SEMA6A: variants seen among roughly 807,000 people sequenced by gnomAD.
The protein encoded by SEMA6A is semaphorin-6A.
SEMA6A carries 25 observed loss-of-function variants against 96.8 expected under a neutral mutation model. The observed-to-expected ratio is 0.26, with a 90% CI of 0.19 to 0.36. The LOEUF is 0.36. SEMA6A is among the 10% of genes least tolerant of loss of function. The probability of loss-of-function intolerance (pLI) is 1.00; values close to 1 mark genes in which losing one functional copy is unlikely to be tolerated. For missense variants in SEMA6A, 1,363 were observed against 1,323.1 expected (o/e 1.03, Z -0.47); for synonymous variants, 612 against 518.0 (o/e 1.18, Z -2.46).
chr5:116,487,105 AAAG>A (rs1757088295), intron 9 of SEMA6A, 139 bp from the exon 10 acceptor site: 10 of 594,218 alleles, frequency 1.7e-5, no homozygotes, highest in Non-Finnish European at 2.7e-5. Flanking sequence ...CAAAAAAAAA[AAAG>A]AAAGAAAAGA....
intron 1 of SEMA6A, among the ~76,000 whole-genome samples, chr5:116,527,363 A>G (rs1759275074): frequency 6.6e-6 from 1 of 152,254 alleles, no homozygotes; most frequent in South Asian, 2.1e-4. Flanking sequence ...AATATTGCCA[A>G]ATTAAACAAA....
Position 116,488,180 on chromosome 5 carries a change from T to C in SEMA6A, c.672A>G (p.Gln224=). 6.2e-7 allele frequency: 1 copy of C among 1,610,364 alleles called. No homozygotes were observed. The highest frequency in any genetic ancestry group is 1.3e-5 in the African/African-American group (1 of 75,006). Residue 224 remains glutamine, a synonymous_variant, in exon 9 of 19, where the codon CAA becomes CAG. Coordinates refer to ENST00000343348, the MANE Select transcript of SEMA6A (RefSeq NM_020796.5). ...SKWLKEPYFV[Q]AVDYGDYIYF... ...AGATATAATCTCCGTAATCCACGGC[T>C]TGAACAAAGTATGGTTCTGTAGACA...
chr5:116,528,862 C>T (rs74963225), intron 1 of SEMA6A, among the ~76,000 whole-genome samples: 3,352 of 152,266 alleles, frequency 0.022, 41 homozygotes, highest in Admixed American at 0.029. Context: ...ATGGCTGTAC[C>T]CTGGGACTTT....
intron 1 of SEMA6A, among the ~76,000 whole-genome samples, chr5:116,531,587 C>T (rs1759480553): frequency 6.6e-6 from 1 of 152,196 alleles, no homozygotes; most frequent in African/African-American, 2.4e-5. Context: ...CCAAGTTTCT[C>T]TTCAAAGAAT....
At chr5:116,475,096 T>G (rs1756383155) in intron 16 of SEMA6A, among the ~76,000 whole-genome samples, 3 of 152,198 alleles carry the variant, frequency 2.0e-5, no homozygotes, top group Admixed American at 2.0e-4. Flanking sequence ...AAATCTAATT[T>G]AAAAACATAA....
At chr5:116,472,820 T>C (rs1274893344) in intron 17 of SEMA6A, 4 of 1,261,852 alleles carry the variant, frequency 3.2e-6, no homozygotes, top group South Asian at 3.0e-5. Flanking sequence ...GAATGAAAAC[T>C]ATAAACTACT....
intron 18 of SEMA6A, among the ~76,000 whole-genome samples, chr5:116,465,698 G>C (rs1048261739): frequency 6.6e-6 from 1 of 152,120 alleles, no homozygotes; most frequent in Non-Finnish European, 1.5e-5. Context: ...CCATTCCTTG[G>C]GGGGAGTTAA....
intron 1 of SEMA6A, among the ~76,000 whole-genome samples, chr5:116,560,476 T>C (rs1760778474): frequency 6.6e-6 from 1 of 151,394 alleles, no homozygotes; most frequent in African/African-American, 2.4e-5. Flanking sequence ...CTAGATCTAG[T>C]AGCCTGAACC....
In SEMA6A at chr5:116,446,701, C is replaced by T. The variant is rs200942463; in HGVS notation, c.3005G>A (p.Arg1002His). 11 of 1,586,982 alleles carry T rather than the reference C, an allele frequency of 6.9e-6. No homozygotes were observed. The East Asian group carries it at 1.4e-4, about 20-fold the overall frequency. Residue 1002 changes from arginine to histidine, a missense_variant, in exon 19 of 19, where the codon CGT (arginine) becomes CAT (histidine). Around this residue, in one of 2 missense-constraint regions of SEMA6A, gnomAD observed 883 missense variants for 763.6 expected, o/e 1.16. Transcript: ENST00000343348. ...TACGTCCGGCTTTAGCGAGGGCGTA[C>T]GCTTCAGCCCCGACCTTGTCAGTGA... ...YNSLTRSGLKRTPSLKPDVPP... is the reference protein window; with the variant it reads ...YNSLTRSGLKHTPSLKPDVPP...
At chr5:116,459,761 G>C (rs889966954) in intron 18 of SEMA6A, among the ~76,000 whole-genome samples, 5 of 151,942 alleles carry the variant, frequency 3.3e-5, no homozygotes, top group African/African-American at 1.2e-4. Flanking sequence ...TTCCCTTACT[G>C]TCAGACTTCA....
chr5:116,573,684 G>A (rs1045797071), intron 1 of SEMA6A, among the ~76,000 whole-genome samples: 3 of 152,050 alleles, frequency 2.0e-5, no homozygotes, highest in Non-Finnish European at 4.4e-5. Flanking sequence ...CCGTCTCCGC[G>A]GAACCCCTTC....
chr5:116,569,466 A>G (rs764183800), intron 1 of SEMA6A, among the ~76,000 whole-genome samples: 10 of 152,168 alleles, frequency 6.6e-5, no homozygotes, highest in Non-Finnish European at 1.2e-4. Flanking sequence ...TTTTATTGGA[A>G]GAAGATGGGA....
At chr5:116,454,792 GTGTGTGTGTGTGTGTGTGCA>G (rs1207262929) in intron 18 of SEMA6A, among the ~76,000 whole-genome samples, 156 of 47,004 alleles carry the variant, frequency 3.3e-3, no homozygotes, top group Middle Eastern at 0.01. Flanking sequence ...TCCTTTAAGT[GTGTGTGTGTGTGTGTGTGCA>G]TGTGTGTGTG....
intron 8 of SEMA6A, 53 bp from the exon 9 acceptor site, chr5:116,488,249 A>G (rs949247230): frequency 2.5e-6 from 3 of 1,213,380 alleles, no homozygotes; most frequent in Admixed American, 3.8e-5. Context: ...AGTTAACAGA[A>G]TTTCAATCAA....
intron 1 of SEMA6A, among the ~76,000 whole-genome samples, chr5:116,526,765 T>C (rs1759248499): frequency 6.6e-6 from 1 of 152,172 alleles, no homozygotes; most frequent in Non-Finnish European, 1.5e-5. Context: ...CTGTTCTATA[T>C]ACACGCCCAG....
rs542576163 is a variant in SEMA6A at position 116,554,588 on chromosome 5, C to G, written c.-39+19597G>C. On this transcript the variant is annotated intron_variant, in intron 1 of 18. Transcript: ENST00000343348. The stretch of plus-strand genomic sequence containing the variant: ...TCAAAAACTACTGCATAGAAACCAA[C>G]TTTGTGGAGAAAATTCTGCATTTTA... 3.9e-5 allele frequency among the ~76,000 whole-genome samples: 6 copies of G among 152,202 alleles called. No homozygotes were observed. In the East Asian group the frequency reaches 7.7e-4, roughly 20 times the overall value.
chr5:116,512,841 A>T (rs1197191206), intron 1 of SEMA6A, among the ~76,000 whole-genome samples: 2 of 152,180 alleles, frequency 1.3e-5, no homozygotes, highest in Non-Finnish European at 2.9e-5. Flanking sequence ...AGTAGGCCTG[A>T]AAGTATTGTG....
intron 18 of SEMA6A, among the ~76,000 whole-genome samples, chr5:116,458,535 G>A (rs1036202630): frequency 1.5e-4 from 23 of 152,062 alleles, no homozygotes; most frequent in Admixed American, 1.2e-3. Flanking sequence ...ATACCCTAAG[G>A]TTTAAGTTGG....
chr5:116,498,341 C>G (rs1317585549), intron 3 of SEMA6A: 1 of 152,046 alleles, frequency 6.6e-6, no homozygotes, highest in East Asian at 1.9e-4. Context: ...CTTTTAAGTC[C>G]CCTCGTTACT....
Sources: allele counts gnomAD v4.1 joint callset (sites outside exome capture counted in the v4.1 genomes callset), GRCh38; gene constraint gnomAD v4.1.1; regional missense constraint gnomAD v4.1.1; transcripts MANE v1.5; gene names NCBI Gene and HGNC (gene_info 2026-07-23, HGNC 2026-07-21).